CHD9NB: variants seen among roughly 807,000 people sequenced by gnomAD.
The protein encoded by CHD9NB is CHD9 neighbor protein.
chr16:53,051,834 T>A, the CHD9NB span, among the ~76,000 whole-genome samples: 1 of 143,774 alleles, frequency 7.0e-6, no homozygotes, highest in Non-Finnish European at 1.5e-5. Flanking sequence ...CCTATCCTGT[T>A]CCATATATAA....
At chr16:53,038,504 C>G in the CHD9NB span, among the ~76,000 whole-genome samples, 2 of 151,690 alleles carry the variant, frequency 1.3e-5, no homozygotes, top group African/African-American at 4.9e-5. Context: ...GCACGTGCCA[C>G]CACACCTGGA....
the CHD9NB span, among the ~76,000 whole-genome samples, chr16:53,045,686 G>C: frequency 6.6e-6 from 1 of 152,180 alleles, no homozygotes; most frequent in Non-Finnish European, 1.5e-5. Flanking sequence ...GTGGAGGGCA[G>C]GTGCATACCG....
the CHD9NB span, among the ~76,000 whole-genome samples, chr16:53,046,101 G>A: frequency 3.3e-5 from 5 of 152,160 alleles, no homozygotes; most frequent in African/African-American, 1.2e-4. Context: ...AAATGCCAAA[G>A]TATACTTTGG....
chr16:53,037,138 G>A, the CHD9NB span, among the ~76,000 whole-genome samples: 3 of 152,182 alleles, frequency 2.0e-5, no homozygotes, highest in Admixed American at 6.5e-5. Context: ...GTTTCACCAT[G>A]TTGGCCAGGA....
At chr16:53,045,164 T>C in the CHD9NB span, among the ~76,000 whole-genome samples, 3 of 152,182 alleles carry the variant, frequency 2.0e-5, no homozygotes, top group Non-Finnish European at 1.5e-5. Flanking sequence ...GTTCTCACTT[T>C]GTTGCCCAGG....
At chr16:53,049,409 C>G in the CHD9NB span, among the ~76,000 whole-genome samples, 1 of 151,894 alleles carries the variant, frequency 6.6e-6, no homozygotes, top group African/African-American at 2.4e-5. Context: ...CTCCTGGCAT[C>G]AAGTGATCCT....
At chr16:53,046,952 C>G in the CHD9NB span, among the ~76,000 whole-genome samples, 8 of 152,172 alleles carry the variant, frequency 5.3e-5, no homozygotes, top group Non-Finnish European at 1.5e-5. Flanking sequence ...TTTGCCAGAT[C>G]TGCTAGCTGG....
chr16:53,052,229 TA>T, the CHD9NB span, among the ~76,000 whole-genome samples: 44,192 of 145,108 alleles, frequency 0.3, 7,422 homozygotes, highest in African/African-American at 0.45. Context: ...CCCCATCTCT[TA>T]AAAAAAAAAG....
the CHD9NB span, among the ~76,000 whole-genome samples, chr16:53,036,301 G>A: frequency 6.6e-6 from 1 of 152,190 alleles, no homozygotes; most frequent in Non-Finnish European, 1.5e-5. Flanking sequence ...CATTTATAAA[G>A]CATCTTTGAG....
the CHD9NB span, among the ~76,000 whole-genome samples, chr16:53,049,321 G>C: frequency 8.8e-6 from 1 of 113,876 alleles, no homozygotes; most frequent in Non-Finnish European, 1.8e-5. Context: ...ACCCCCAGCT[G>C]TTGTGTGTGT....
At chr16:53,052,859 C>G in the CHD9NB span, 1 of 164,858 alleles carries the variant, frequency 6.1e-6, no homozygotes, top group Non-Finnish European at 1.3e-5. Flanking sequence ...CACCCACCAC[C>G]CCTTGCCCTT....
the CHD9NB span, chr16:53,043,269 T>G: frequency 1.3e-5 from 2 of 152,168 alleles, no homozygotes; most frequent in African/African-American, 2.4e-5. Flanking sequence ...ATGGACAGAC[T>G]TTGGCTAGGA....
the CHD9NB span, among the ~76,000 whole-genome samples, chr16:53,045,720 T>C: frequency 6.6e-6 from 1 of 152,304 alleles, no homozygotes; most frequent in Admixed American, 6.5e-5. Flanking sequence ...TACACAGACC[T>C]TCTTGGTTAC....
the CHD9NB span, chr16:53,043,392 C>T: frequency 6.6e-6 from 1 of 152,186 alleles, no homozygotes; most frequent in African/African-American, 2.4e-5. Context: ...ACTGGAGGAC[C>T]AAGACCTTGT....
the CHD9NB span, among the ~76,000 whole-genome samples, chr16:53,036,115 A>G: frequency 1.3e-5 from 2 of 152,192 alleles, no homozygotes; most frequent in Non-Finnish European, 2.9e-5. Flanking sequence ...GGAGGAGACT[A>G]TTCAATGCGC....
chr16:53,041,953 C>G, the CHD9NB span, among the ~76,000 whole-genome samples: 3 of 152,294 alleles, frequency 2.0e-5, no homozygotes, highest in South Asian at 6.2e-4. Context: ...TGACAGGGCC[C>G]CCATCCCTCC....
the CHD9NB span, chr16:53,043,675 G>A: frequency 1.0e-5 from 2 of 195,622 alleles, no homozygotes; most frequent in Middle Eastern, 1.8e-3. Context: ...TCACAGCTTG[G>A]CAGCCGATAT....
chr16:53,051,549 C>T, the CHD9NB span, among the ~76,000 whole-genome samples: 1 of 136,686 alleles, frequency 7.3e-6, no homozygotes, highest in East Asian at 2.2e-4. Flanking sequence ...TGTTCTCACT[C>T]ATAGGTGGGA....
At chr16:53,038,955 A>C in the CHD9NB span, among the ~76,000 whole-genome samples, 2 of 152,080 alleles carry the variant, frequency 1.3e-5, no homozygotes, top group Non-Finnish European at 2.9e-5. Context: ...TCCTATGGGC[A>C]CCTCAAACTC....
Sources: gnomAD v4.1 joint callset for allele counts (sites outside exome capture counted in the v4.1 genomes callset) on GRCh38, gnomAD v4.1.1 for gene constraint, MANE v1.5 for transcripts, NCBI Gene and HGNC (gene_info 2026-07-23, HGNC 2026-07-21) for gene names.